The following SREK1IP1 variants were observed in gnomAD, a reference collection of about 807,000 sequenced individuals.
SREK1IP1 encodes SREK1 interacting protein 1.
SREK1IP1 carries 12 observed loss-of-function variants against 22.8 expected under a neutral mutation model. The observed-to-expected ratio is 0.53, with a 90% CI of 0.34 to 0.85. The LOEUF is 0.85. Among genes scored for constraint, SREK1IP1 ranks in the 40% least tolerant of loss-of-function variants. SREK1IP1 has a pLI of 0.02. For synonymous variants in SREK1IP1, 53 were observed against 52.7 expected (o/e 1.01, Z -0.02); for missense variants, 147 against 171.8 (o/e 0.86, Z 0.81).
rs1554064040 is a variant in SREK1IP1, at chr5:64,722,334, A to G, written c.*2050T>C. ...CAGAAACCTAATGAGCCAATTTATA[A>G]TCTCTACAATTAACAGTAATAAAAC... On this transcript the variant is annotated 3_prime_UTR_variant, in exon 5 of 5. Coordinates refer to ENST00000513458, the MANE Select transcript of SREK1IP1 (RefSeq NM_173829.4). The G allele has an allele frequency of 6.6e-6, 1 of 152,222 alleles. No individual in the cohort carries two copies. Among genetic ancestry groups the G allele is most frequent in the Non-Finnish European group, 1.5e-5 (1 of 68,038 alleles). 9.4% of individuals were successfully genotyped at this position (152,222 alleles called of 1,614,324 possible). A position where few individuals can be genotyped will look rare whatever the true frequency, so the allele number is the denominator to read the frequency against.
intron 2 of SREK1IP1, among the ~76,000 whole-genome samples, chr5:64,748,171 G>A (rs1217515054): frequency 1.7e-4 from 26 of 152,052 alleles, no homozygotes; most frequent in Non-Finnish European, 4.4e-5. Flanking sequence ...CCATTAAAAC[G>A]AATGATGTTA....
chr5:64,718,186 G>T lies in SREK1IP1; in HGVS notation c.*6198C>A. 1 of 505,666 alleles carries T rather than the reference G, an allele frequency of 2.0e-6. No homozygotes were observed. The highest frequency in any genetic ancestry group is 4.2e-5 in the South Asian group (1 of 23,576). The allele number at this position is 505,666 out of a possible 1,614,324, so 31.3% of individuals were successfully genotyped here. ...AGTTACTTTATTAAACGCACATTAA[G>T]GTTTTATTGGTTTTCCTTTGTATAA... is the stretch of plus-strand genomic sequence containing the variant. On this transcript the variant is annotated 3_prime_UTR_variant, in exon 5 of 5. Transcript: ENST00000513458.
intron 3 of SREK1IP1, among the ~76,000 whole-genome samples, chr5:64,731,921 T>C (rs773269618): frequency 6.6e-6 from 1 of 152,102 alleles, no homozygotes; most frequent in Non-Finnish European, 1.5e-5. Context: ...AAGGTGTCAA[T>C]GGTTGGCATA....
At chr5:64,753,203 G>A (rs1261202120) in intron 2 of SREK1IP1, among the ~76,000 whole-genome samples, 1 of 152,158 alleles carries the variant, frequency 6.6e-6, no homozygotes, top group Non-Finnish European at 1.5e-5. Flanking sequence ...AGACAGACTG[G>A]GAAATCCATT....
chr5:64,764,579 G>A (rs779071487), intron 1 of SREK1IP1, among the ~76,000 whole-genome samples: 4 of 152,176 alleles, frequency 2.6e-5, no homozygotes, highest in Non-Finnish European at 4.4e-5. Flanking sequence ...CATTCTCGCA[G>A]AGAGAGATGG....
intron 3 of SREK1IP1, among the ~76,000 whole-genome samples, chr5:64,737,734 T>C (rs1009389703): frequency 2.0e-5 from 3 of 151,580 alleles, no homozygotes; most frequent in African/African-American, 7.3e-5. Flanking sequence ...AAAAAGAGAG[T>C]ATAAGTGATG....
chr5:64,752,406 C>T (rs151238747), intron 2 of SREK1IP1, among the ~76,000 whole-genome samples: 334 of 152,152 alleles, frequency 2.2e-3, no homozygotes, highest in African/African-American at 7.8e-3. Context: ...CCACCTTGGC[C>T]TCCCAAAGTG....
At chr5:64,729,385 G>C (rs575980227) in intron 3 of SREK1IP1, among the ~76,000 whole-genome samples, 1 of 152,312 alleles carries the variant, frequency 6.6e-6, no homozygotes, top group South Asian at 2.1e-4. Flanking sequence ...GGCAAAAAGA[G>C]TTTGGTGCGT....
chr5:64,767,335 TTTCTCTCTC>T (rs1356534340), intron 1 of SREK1IP1, among the ~76,000 whole-genome samples: 2 of 152,202 alleles, frequency 1.3e-5, no homozygotes, highest in Non-Finnish European at 1.5e-5. Context: ...TTTCTGTAAA[TTTCTCTCTC>T]TTCACTGCTA....
chr5:64,765,054 T>C (rs1264072655), intron 1 of SREK1IP1: 1 of 152,220 alleles, frequency 6.6e-6, no homozygotes, highest in Non-Finnish European at 1.5e-5. Flanking sequence ...CGTTGCCACT[T>C]GTGCCAGTTC....
intron 3 of SREK1IP1, among the ~76,000 whole-genome samples, chr5:64,733,870 G>T (rs1350785920): frequency 6.6e-6 from 1 of 151,962 alleles, no homozygotes; most frequent in Non-Finnish European, 1.5e-5. Context: ...TCATCAGAAG[G>T]GTTACATACT....
In SREK1IP1 at chr5:64,719,968, CTA is replaced by C. The variant is rs1199502258; in HGVS notation, c.*4414_*4415del. The C allele has an allele frequency of 6.6e-6, 1 of 152,202 alleles. No individual in the cohort carries two copies. The highest frequency in any genetic ancestry group is 1.5e-5 in the Non-Finnish European group (1 of 68,026). The allele number at this position is 152,202 out of a possible 1,614,324, so 9.4% of individuals were successfully genotyped here. A position where few individuals can be genotyped will look rare whatever the true frequency, so the allele number is the denominator to read the frequency against. On this transcript the variant is annotated 3_prime_UTR_variant, in exon 5 of 5. Coordinates refer to ENST00000513458, the MANE Select transcript of SREK1IP1 (RefSeq NM_173829.4). ...AGTCCTTGAAGCACTCCCTGCTGAG[CTA>C]GCTTATCACTAGGTTACCTGAGGTA... is the stretch of plus-strand genomic sequence containing the variant.
At chr5:64,748,336 G>A (rs555804795) in intron 2 of SREK1IP1, among the ~76,000 whole-genome samples, 3 of 151,886 alleles carry the variant, frequency 2.0e-5, no homozygotes, top group South Asian at 4.2e-4. Flanking sequence ...GGAAAGGAGG[G>A]AGTGGAGAGT....
chr5:64,742,612 C>T (rs555968539), intron 2 of SREK1IP1, among the ~76,000 whole-genome samples: 2 of 152,250 alleles, frequency 1.3e-5, no homozygotes, highest in South Asian at 2.1e-4. Flanking sequence ...TAGGTTTATA[C>T]CAGAGACTCT....
intron 3 of SREK1IP1, among the ~76,000 whole-genome samples, chr5:64,728,608 C>T (rs567559173): frequency 1.9e-4 from 29 of 152,248 alleles, no homozygotes; most frequent in Non-Finnish European, 2.5e-4. Context: ...TGTAGGCATT[C>T]TTTATATAAA....
At position 64,722,878 on chromosome 5, in the gene SREK1IP1, C is replaced by T. The variant is rs1160710612; in HGVS notation, c.*1506G>A. ...CTCCCTGAGTCTTACTGAGGGTATC[C>T]ACATTGGGTGCCAGGTGAAACAAGA... On this transcript the variant is annotated 3_prime_UTR_variant, in exon 5 of 5. Coordinates refer to ENST00000513458, the MANE Select transcript of SREK1IP1 (RefSeq NM_173829.4). The T allele has an allele frequency of 1.3e-5, 2 of 152,172 alleles. No homozygotes were observed. The highest frequency in any genetic ancestry group is 3.2e-3 in the Middle Eastern group (1 of 316). The allele number at this position is 152,172 out of a possible 1,614,324, so 9.4% of individuals were successfully genotyped here. A position where few individuals can be genotyped will look rare whatever the true frequency, so the allele number is the denominator to read the frequency against.
intron 1 of SREK1IP1, among the ~76,000 whole-genome samples, chr5:64,764,574 T>A (rs1489587337): frequency 1.3e-5 from 2 of 152,224 alleles, no homozygotes; most frequent in Non-Finnish European, 2.9e-5. Flanking sequence ...CACTGCATTC[T>A]CGCAGAGAGA....
intron 3 of SREK1IP1, among the ~76,000 whole-genome samples, chr5:64,729,152 G>C (rs1316524561): frequency 6.6e-6 from 1 of 152,158 alleles, no homozygotes; most frequent in African/African-American, 2.4e-5. Context: ...AAAATCCTAG[G>C]AGATTTTTAT....
Position 64,719,276 on chromosome 5 carries a change from G to C in SREK1IP1, c.*5108C>G, listed in dbSNP as rs1206251607. The C allele has an allele frequency of 1.3e-5, 2 of 152,050 alleles. No homozygotes were observed. The highest frequency in any genetic ancestry group is 2.9e-5 in the Non-Finnish European group (2 of 68,012). The allele number at this position is 152,050 out of a possible 1,614,324, so 9.4% of individuals were successfully genotyped here. A position where few individuals can be genotyped will look rare whatever the true frequency, so the allele number is the denominator to read the frequency against. ...GGCACCATAGTGCCAGATCACTATT[G>C]CAACAACCTACTGCCAAAGTTGAAC... On this transcript the variant is annotated 3_prime_UTR_variant, in exon 5 of 5. Coordinates refer to ENST00000513458, the MANE Select transcript of SREK1IP1 (RefSeq NM_173829.4).
Sources: allele counts gnomAD v4.1 joint callset (sites outside exome capture counted in the v4.1 genomes callset), GRCh38; gene constraint gnomAD v4.1.1; transcripts MANE v1.5; gene names NCBI Gene and HGNC (gene_info 2026-07-23, HGNC 2026-07-21).